The following CFAP54 variants were observed in gnomAD, a reference collection of about 807,000 sequenced individuals.
The protein encoded by CFAP54 is cilia and flagella associated protein 54, also known as cilia- and flagella-associated protein 54.
A neutral mutation model predicts 370.4 loss-of-function variants in CFAP54; 290 were observed. That is an observed-to-expected ratio of 0.78 (90% CI 0.71 to 0.86). The LOEUF is 0.86. CFAP54 is among the 40% of genes least tolerant of loss of function. The pLI is 0.00. For synonymous variants in CFAP54, 1,206 were observed against 1,236.5 expected (o/e 0.98, Z 0.52); for missense variants, 3,399 against 3,528.7 (o/e 0.96, Z 0.93).
At chr12:96,681,370 C>CTT (rs202097088) in intron 40 of CFAP54, among the ~76,000 whole-genome samples, 8 of 134,816 alleles carry the variant, frequency 5.9e-5, no homozygotes, top group Non-Finnish European at 1.3e-4. Context: ...AAGGTTTTTC[C>CTT]TTTTTTTTTT....
At chr12:96,816,994 A>G (rs1958981121) in intron 64 of CFAP54, among the ~76,000 whole-genome samples, 1 of 152,052 alleles carries the variant, frequency 6.6e-6, no homozygotes, top group Admixed American at 6.6e-5. Flanking sequence ...TTCCCGACAC[A>G]CATGCAATAC....
chr12:96,869,178 G>A (rs1035747667), intron 67 of CFAP54, among the ~76,000 whole-genome samples: 2 of 152,130 alleles, frequency 1.3e-5, no homozygotes, highest in African/African-American at 4.8e-5. Flanking sequence ...TCAAGGAAAG[G>A]AATGTTTTTA....
At chr12:96,683,151 C>G (rs370838868) in intron 40 of CFAP54, among the ~76,000 whole-genome samples, 1 of 152,014 alleles carries the variant, frequency 6.6e-6, no homozygotes, top group African/African-American at 2.4e-5. Flanking sequence ...TTATGAAGCT[C>G]TAAATATAAA....
intron 64 of CFAP54, among the ~76,000 whole-genome samples, chr12:96,814,952 C>G (rs964180490): frequency 6.6e-5 from 10 of 152,130 alleles, no homozygotes; most frequent in Non-Finnish European, 1.3e-4. Flanking sequence ...TCCAGTCTAT[C>G]ATTGATGGGC....
At chr12:96,807,914 G>T (rs976839248) in intron 63 of CFAP54, among the ~76,000 whole-genome samples, 2 of 152,102 alleles carry the variant, frequency 1.3e-5, no homozygotes. Flanking sequence ...ATGGAATAGG[G>T]ATTACACATC....
chr12:96,772,919 A>G (rs975618458), intron 60 of CFAP54, among the ~76,000 whole-genome samples: 2 of 152,084 alleles, frequency 1.3e-5, no homozygotes, highest in African/African-American at 4.8e-5. Flanking sequence ...CTGGTCTGCA[A>G]TCTTAATTCT....
intron 45 of CFAP54, among the ~76,000 whole-genome samples, chr12:96,698,909 C>T (rs1426122173): frequency 3.3e-5 from 5 of 152,132 alleles, no homozygotes; most frequent in African/African-American, 1.2e-4. Flanking sequence ...TGAGCAGCGG[C>T]TCAAGGGTCT....
At chr12:96,512,737 A>G (rs1027671444) in intron 4 of CFAP54, among the ~76,000 whole-genome samples, 1 of 152,234 alleles carries the variant, frequency 6.6e-6, no homozygotes, top group Admixed American at 6.5e-5. Flanking sequence ...CAAAAGTTAA[A>G]TGGCCTGTAA....
intron 27 of CFAP54, among the ~76,000 whole-genome samples, chr12:96,623,051 C>T (rs1048410169): frequency 2.7e-4 from 41 of 152,192 alleles, no homozygotes; most frequent in African/African-American, 7.7e-4. Flanking sequence ...TAGGACAGGC[C>T]TCATGCCTCT....
At chr12:96,641,857 G>A (rs1641704) in intron 32 of CFAP54, among the ~76,000 whole-genome samples, 53 of 150,628 alleles carry the variant, frequency 3.5e-4, no homozygotes, top group African/African-American at 1.2e-3. Context: ...ATGTTCTCAC[G>A]CATAGGTGGG....
At chr12:96,796,156 G>A (rs1305591253) in intron 63 of CFAP54, among the ~76,000 whole-genome samples, 2 of 152,170 alleles carry the variant, frequency 1.3e-5, no homozygotes, top group African/African-American at 4.8e-5. Context: ...GCCTGCAGCA[G>A]CAAGCCACTT....
At chr12:96,600,609 C>G (rs1236957642) in intron 26 of CFAP54, among the ~76,000 whole-genome samples, 1 of 152,120 alleles carries the variant, frequency 6.6e-6, no homozygotes, top group Non-Finnish European at 1.5e-5. Flanking sequence ...TTGATTCTTC[C>G]TATCCATGAG....
chr12:96,533,305 G>A (rs1403116867), intron 9 of CFAP54, among the ~76,000 whole-genome samples: 4 of 151,970 alleles, frequency 2.6e-5, no homozygotes, highest in Non-Finnish European at 2.9e-5. Flanking sequence ...ATGTGTTACT[G>A]TTGAGTACTC....
intron 50 of CFAP54, among the ~76,000 whole-genome samples, chr12:96,722,906 T>A (rs1393120818): frequency 1.3e-5 from 2 of 151,370 alleles, no homozygotes; most frequent in East Asian, 3.9e-4. Flanking sequence ...AATGGGGAGG[T>A]TGTAGGGGTG....
chr12:96,704,711 G>C, intron 46 of CFAP54, 32 bp from the exon 47 acceptor site: 1 of 1,042,410 alleles, frequency 9.6e-7, no homozygotes. Context: ...AAGTAATCTT[G>C]TTCTTGCTGT....
intron 39 of CFAP54, among the ~76,000 whole-genome samples, chr12:96,674,094 C>T (rs1957176783): frequency 6.6e-6 from 1 of 152,116 alleles, no homozygotes; most frequent in African/African-American, 2.4e-5. Flanking sequence ...TTTGACCTTA[C>T]TGGTGTTTAA....
intron 60 of CFAP54, among the ~76,000 whole-genome samples, chr12:96,778,351 A>G (rs965860718): frequency 5.3e-5 from 8 of 152,202 alleles, no homozygotes; most frequent in Non-Finnish European, 1.0e-4. Context: ...AAAGGCTGCA[A>G]CAAATAATTT....
chr12:96,679,529 A>G, intron 39 of CFAP54, 71 bp from the exon 40 acceptor site: 1 of 1,467,228 alleles, frequency 6.8e-7, no homozygotes, highest in Non-Finnish European at 9.1e-7. Context: ...TCTGAATTAT[A>G]AACTTGCTGG....
rs1316124274 is a variant in CFAP54 at position 96,808,685 on chromosome 12, G to T, written c.8851-3051G>T. 3.3e-5 allele frequency among the ~76,000 whole-genome samples: 5 copies of T among 152,240 alleles called. No homozygotes were observed. In the East Asian group the frequency reaches 9.6e-4, roughly 29 times the overall value. On this transcript the variant is annotated intron_variant, in intron 63 of 67. Transcript: ENST00000524981. ...ACGTGTGAGCCCAGACTTAATAATAGAAGTGAAGATAATAGATCCAGCTGC... is the reference window on the plus strand; with the variant it reads ...ACGTGTGAGCCCAGACTTAATAATATAAGTGAAGATAATAGATCCAGCTGC...
Sources: allele counts gnomAD v4.1 joint callset (sites outside exome capture counted in the v4.1 genomes callset), GRCh38; gene constraint gnomAD v4.1.1; transcripts MANE v1.5; gene names NCBI Gene and HGNC (gene_info 2026-07-23, HGNC 2026-07-21).